Variants in FAP observed in about 807,000 individuals in gnomAD.
FAP encodes prolyl endopeptidase FAP.
In FAP, 110 loss-of-function variants were observed where a neutral mutation model predicts 126.5. That is an observed-to-expected ratio of 0.87 (90% CI 0.74 to 1.02). The LOEUF is 1.02. Ranked by LOEUF, FAP falls within the 50% of genes least tolerant of loss-of-function variation. The pLI is 0.00. For synonymous variants in FAP, 334 were observed against 297.3 expected (o/e 1.12, Z -1.27); for missense variants, 919 against 909.2 (o/e 1.01, Z -0.14).
chr2:162,242,926 C>A lies in FAP; in HGVS notation c.73G>T (p.Val25Phe). 6.2e-7 allele frequency: 1 copy of A among 1,613,046 alleles called. No individual in the cohort carries two copies. Among genetic ancestry groups the A allele is most frequent in the South Asian group, 1.1e-5 (1 of 90,954 alleles). Residue 25 changes from valine (V) to phenylalanine (F), a missense_variant, in exon 2 of 26, where the codon GTC becomes TTC. Transcript: ENST00000188790. ...TTCTTACCTCTTGAAGGGCGTAAGA[C>A]AATGCACATCACCAATAAGGCAAGC... ...AVLALLVMCIVLRPSRVHNSE... is the reference protein window; with the variant it reads ...AVLALLVMCIFLRPSRVHNSE...
chr2:162,189,648 G>T lies in FAP; in HGVS notation c.1549+8C>A, dbSNP rs1262692191. On this transcript the variant is annotated splice_region_variant and intron_variant, in intron 18 of 25. Transcript: ENST00000188790. Reference sequence around the variant, plus strand: ...ATCTATAAATGAGAAGTTTTTAAAAGATCTTACTAATTTCATCTACTTCAA... The same window carrying T: ...ATCTATAAATGAGAAGTTTTTAAAATATCTTACTAATTTCATCTACTTCAA... The T allele has an allele frequency of 2.1e-6, 3 of 1,457,598 alleles. No individual in the cohort carries two copies. The highest frequency in any genetic ancestry group is 2.8e-6 in the Non-Finnish European group (3 of 1,054,462). 90.3% of individuals were successfully genotyped at this position (1,457,598 alleles called of 1,614,324 possible).
intron 6 of FAP, 33 bp from the exon 7 acceptor site, chr2:162,219,958 C>T (rs1689318669): frequency 2.7e-6 from 4 of 1,462,148 alleles, no homozygotes; most frequent in Non-Finnish European, 3.8e-6. Flanking sequence ...AAACAACAAA[C>T]CTTGCTGTTT....
chr2:162,195,516 G>A (rs10176159), intron 16 of FAP, among the ~76,000 whole-genome samples: 9,855 of 151,506 alleles, frequency 0.065, 1,082 homozygotes, highest in African/African-American at 0.23. Context: ...CTCTTCTCCC[G>A]GGTTGGGGGG....
At chr2:162,223,025 C>T (rs578025168) in intron 6 of FAP, among the ~76,000 whole-genome samples, 3 of 152,028 alleles carry the variant, frequency 2.0e-5, no homozygotes, top group Admixed American at 1.3e-4. Flanking sequence ...ATGTTTCAAA[C>T]AGTTTATATG....
rs1005097125 is a variant in FAP, at chr2:162,219,127, A to G, written c.543T>C (p.Phe181=). The change falls in exon 8 of 26, where the codon TTT becomes TTC. Residue 181 remains phenylalanine, a synonymous_variant. Transcript: ENST00000188790. ...TTTCTCTTCCATTAAATGTTATTTG[A>G]AAAGGTGGATCTCCTGGTCTTTGTT... is the stretch of plus-strand genomic sequence containing the variant. ...YLKQRPGDPP[F]QITFNGRENK... 1 of 1,606,986 alleles carries G rather than the reference A, an allele frequency of 6.2e-7. No individual in the cohort carries two copies. The highest frequency in any genetic ancestry group is 8.5e-7 in the Non-Finnish European group (1 of 1,175,584).
chr2:162,174,539 T>C (rs1421975068), intron 22 of FAP, among the ~76,000 whole-genome samples: 1 of 152,154 alleles, frequency 6.6e-6, no homozygotes. Context: ...GCTGAAGATG[T>C]GCTTAAAAGC....
At chr2:162,213,789 C>CCAG in intron 11 of FAP, 149 bp downstream of exon 11, 1 of 587,402 alleles carries the variant, frequency 1.7e-6, no homozygotes, top group Non-Finnish European at 2.8e-6. Flanking sequence ...AATGATGGAC[C>CCAG]CATGAATACT....
At chr2:162,198,646 T>G in intron 16 of FAP, 111 bp downstream of exon 16, 1 of 1,279,622 alleles carries the variant, frequency 7.8e-7, no homozygotes, top group Non-Finnish European at 1.1e-6. Flanking sequence ...ATAAGATTCT[T>G]ACATATAACA....
chr2:162,241,474 G>A (rs777476583), intron 2 of FAP, among the ~76,000 whole-genome samples: 1 of 152,106 alleles, frequency 6.6e-6, no homozygotes, highest in Admixed American at 6.5e-5. Context: ...GAATTCCATA[G>A]TGAAATTCAT....
chr2:162,180,904 A>G (rs1452175993), intron 21 of FAP, among the ~76,000 whole-genome samples: 3 of 152,112 alleles, frequency 2.0e-5, no homozygotes, highest in Non-Finnish European at 4.4e-5. Context: ...CTTTGACACC[A>G]CAAGGGTTTG....
chr2:162,233,577 T>A (rs1689985192), intron 2 of FAP, among the ~76,000 whole-genome samples: 1 of 152,184 alleles, frequency 6.6e-6, no homozygotes, highest in Admixed American at 6.5e-5. Flanking sequence ...TTTATCTTTT[T>A]ATTATTGAGC....
intron 2 of FAP, among the ~76,000 whole-genome samples, chr2:162,239,534 T>C (rs1370264716): frequency 6.6e-6 from 1 of 151,962 alleles, no homozygotes; most frequent in African/African-American, 2.4e-5. Context: ...GGAACAGGGA[T>C]GATATTCTGG....
At chr2:162,221,770 C>T in intron 6 of FAP, 4 of 456,014 alleles carry the variant, frequency 8.8e-6, no homozygotes, top group Non-Finnish European at 1.8e-5. Flanking sequence ...TTTACAAAGG[C>T]GTTCATCTCC....
chr2:162,234,736 G>C (rs1373567387), intron 2 of FAP, among the ~76,000 whole-genome samples: 2 of 152,128 alleles, frequency 1.3e-5, no homozygotes, highest in Admixed American at 6.5e-5. Flanking sequence ...GTGCCTCCTC[G>C]GCCTCGGCAC....
chr2:162,224,620 A>T, intron 4 of FAP, 80 bp from the exon 5 acceptor site: 2 of 834,810 alleles, frequency 2.4e-6, no homozygotes, highest in Non-Finnish European at 3.8e-6. Flanking sequence ...AAAGAATATT[A>T]TATTATCAAC....
chr2:162,216,376 T>A (rs957123597), intron 9 of FAP, among the ~76,000 whole-genome samples: 1 of 152,086 alleles, frequency 6.6e-6, no homozygotes, highest in Admixed American at 6.6e-5. Context: ...CCAAGGAGAG[T>A]TCAGAGGGTG....
At position 162,223,637 on chromosome 2, in the gene FAP, T is replaced by C; in HGVS notation, c.384A>G (p.Ala128=). 6.2e-7 allele frequency: 1 copy of C among 1,610,292 alleles called. No homozygotes were observed. Among genetic ancestry groups the C allele is most frequent in the Non-Finnish European group, 8.5e-7 (1 of 1,176,754 alleles). The change falls in exon 6 of 26, where the codon GCA becomes GCG. Residue 128 remains alanine, a synonymous_variant. Coordinates refer to ENST00000188790, the MANE Select transcript of FAP (RefSeq NM_004460.5). ...TGCTAAGGTCATAGATGTAATATGT[T>C]GCTGTGTAAGAGTATCTCCAAAGCT... is the stretch of plus-strand genomic sequence containing the variant. ...YSKLWRYSYT[A]TYYIYDLSNG...
chr2:162,197,583 C>G, intron 16 of FAP: 1 of 456,706 alleles, frequency 2.2e-6, no homozygotes, highest in Non-Finnish European at 4.4e-6. Flanking sequence ...TTTGTGCTAT[C>G]TTCAAGGGAG....
intron 6 of FAP, among the ~76,000 whole-genome samples, chr2:162,222,359 T>C (rs1012884643): frequency 2.6e-5 from 4 of 152,222 alleles, no homozygotes; most frequent in African/African-American, 9.6e-5. Context: ...GGTGATGATA[T>C]GGATTCGGAG....
Sources: allele counts gnomAD v4.1 joint callset (sites outside exome capture counted in the v4.1 genomes callset), GRCh38; gene constraint gnomAD v4.1.1; transcripts MANE v1.5; gene names NCBI Gene and HGNC (gene_info 2026-07-23, HGNC 2026-07-21).